AOPEP: variants seen among roughly 807,000 people sequenced by gnomAD.
AOPEP encodes the protein aminopeptidase O.
In AOPEP, 77 loss-of-function variants were observed where a neutral mutation model predicts 98.1. The observed-to-expected ratio is 0.78, with a 90% CI of 0.65 to 0.95. The LOEUF (loss-of-function observed/expected upper bound fraction) is 0.95. Among genes scored for constraint, AOPEP ranks in the 40% least tolerant of loss-of-function variants. The pLI is 0.00. For missense variants in AOPEP, 1,024 were observed against 1,024.7 expected (o/e 1.00, Z 0.01); for synonymous variants, 346 against 365.3 (o/e 0.95, Z 0.60).
At chr9:94,936,647 C>T (rs1341602172) in intron 7 of AOPEP, among the ~76,000 whole-genome samples, 1 of 152,134 alleles carries the variant, frequency 6.6e-6, no homozygotes, top group Non-Finnish European at 1.5e-5. Flanking sequence ...GCTGGGTGTC[C>T]TCTAATTCAG....
intron 11 of AOPEP, among the ~76,000 whole-genome samples, chr9:94,993,335 G>T (rs1295621012): frequency 1.3e-5 from 2 of 152,184 alleles, no homozygotes; most frequent in Admixed American, 6.5e-5. Context: ...TTGCCTTTTG[G>T]AGGAGGGGAA....
intron 5 of AOPEP, among the ~76,000 whole-genome samples, chr9:94,905,030 AG>A (rs2050926407): frequency 1.3e-5 from 2 of 152,312 alleles, no homozygotes; most frequent in South Asian, 2.1e-4. Flanking sequence ...AAAGGGTTTT[AG>A]GGGGTTTGAC....
At chr9:95,107,048 G>T in the AOPEP span, 2 of 1,613,572 alleles carry the variant, frequency 1.2e-6, no homozygotes, top group South Asian at 2.2e-5. Flanking sequence ...TAGGATGCTG[G>T]ACCACAGGGA....
At chr9:94,991,075 A>T (rs1400659811) in intron 11 of AOPEP, among the ~76,000 whole-genome samples, 1 of 152,190 alleles carries the variant, frequency 6.6e-6, no homozygotes, top group Non-Finnish European at 1.5e-5. Context: ...ATCATGGCAC[A>T]TGCTGATAGA....
intron 9 of AOPEP, 60 bp downstream of exon 9, chr9:94,956,075 G>T: frequency 3.1e-6 from 3 of 972,872 alleles, no homozygotes; most frequent in Non-Finnish European, 3.2e-6. Flanking sequence ...GGCACATGAA[G>T]ATTAGATTAT....
At chr9:95,145,968 A>AT in the AOPEP span, among the ~76,000 whole-genome samples, 20 of 95,468 alleles carry the variant, frequency 2.1e-4, no homozygotes, top group Admixed American at 9.7e-4. Context: ...CTGATTCTTT[A>AT]TTTTTTTTTA....
At chr9:94,924,278 G>C (rs1052316765) in intron 6 of AOPEP, 103 bp downstream of exon 6, 2 of 970,090 alleles carry the variant, frequency 2.1e-6, no homozygotes, top group Middle Eastern at 3.0e-4. Context: ...CTATGCACTA[G>C]GCACAAATTT....
At chr9:94,761,426 A>C (rs1404456045) in intron 2 of AOPEP, among the ~76,000 whole-genome samples, 1 of 152,194 alleles carries the variant, frequency 6.6e-6, no homozygotes, top group Non-Finnish European at 1.5e-5. Flanking sequence ...TATTTGTGCT[A>C]AAGTACTGCA....
chr9:95,066,413 GT>G (rs2067896644), intron 14 of AOPEP, among the ~76,000 whole-genome samples: 1 of 152,090 alleles, frequency 6.6e-6, no homozygotes, highest in Non-Finnish European at 1.5e-5. Flanking sequence ...ATTGTGTTTT[GT>G]TTACTGTGAA....
chr9:94,847,489 A>T (rs1250278745), intron 5 of AOPEP, among the ~76,000 whole-genome samples: 2 of 152,156 alleles, frequency 1.3e-5, no homozygotes, highest in East Asian at 1.9e-4. Flanking sequence ...GGTGAACTCT[A>T]CTTCTTTATT....
intron 7 of AOPEP, among the ~76,000 whole-genome samples, chr9:94,937,119 G>T (rs1289429334): frequency 1.3e-5 from 2 of 152,178 alleles, no homozygotes; most frequent in Admixed American, 1.3e-4. Context: ...GAGATTGGGG[G>T]GCGGGGCTGA....
intron 5 of AOPEP, among the ~76,000 whole-genome samples, chr9:94,823,637 G>A (rs570278827): frequency 8.5e-5 from 13 of 152,240 alleles, no homozygotes; most frequent in South Asian, 8.3e-4. Context: ...GCTCTTCCCC[G>A]GGTTCCCACA....
the AOPEP span, among the ~76,000 whole-genome samples, chr9:95,120,736 A>G: frequency 6.6e-6 from 1 of 151,846 alleles, no homozygotes; most frequent in African/African-American, 2.4e-5. Flanking sequence ...CCAGGTCTTC[A>G]TTTTTTTTGT....
intron 2 of AOPEP, among the ~76,000 whole-genome samples, chr9:94,762,844 A>T (rs957559386): frequency 3.3e-5 from 5 of 152,194 alleles, no homozygotes; most frequent in Non-Finnish European, 7.3e-5. Flanking sequence ...TGAGTAAAGA[A>T]TGCCAGTTGC....
intron 16 of AOPEP, chr9:95,086,113 C>T (rs373672835): frequency 4.0e-5 from 55 of 1,366,084 alleles, no homozygotes; most frequent in South Asian, 1.8e-4. Context: ...AAAAAGCCTT[C>T]GTGTCTGTAA....
At chr9:94,925,316 T>C (rs2054157530) in intron 6 of AOPEP, among the ~76,000 whole-genome samples, 1 of 152,230 alleles carries the variant, frequency 6.6e-6, no homozygotes, top group South Asian at 2.1e-4. Flanking sequence ...AGGTCACTTT[T>C]TTCCCCCTGT....
Position 94,838,094 on chromosome 9 carries a change from C to T in AOPEP, c.1364+37092C>T, listed in dbSNP as rs201893472. ...TGCAGTCTCGGCTCACTGCAAGCCC[C>T]GCCTCCTGGGTTCACGCCATTCTCC... On this transcript the variant is annotated intron_variant, in intron 5 of 16. Transcript: ENST00000375315. 1.3e-4 allele frequency among the ~76,000 whole-genome samples: 20 copies of T among 152,104 alleles called. 1 individual carries two copies. In the East Asian group the frequency reaches 2.1e-3, roughly 16 times the overall value.
intron 5 of AOPEP, among the ~76,000 whole-genome samples, chr9:94,899,235 A>C (rs1260077052): frequency 2.9e-5 from 3 of 105,184 alleles, no homozygotes; most frequent in Non-Finnish European, 5.1e-5. Flanking sequence ...CCCAGGCTGG[A>C]GTGCAGTGGC....
chr9:95,043,401 CAT>C (rs1209284654), intron 13 of AOPEP, among the ~76,000 whole-genome samples: 1 of 151,960 alleles, frequency 6.6e-6, no homozygotes, highest in Admixed American at 6.6e-5. Context: ...CAACTGCTGA[CAT>C]AAAGAGAAAT....
Sources: gnomAD v4.1 joint callset for allele counts (sites outside exome capture counted in the v4.1 genomes callset) on GRCh38, gnomAD v4.1.1 for gene constraint, MANE v1.5 for transcripts, NCBI Gene and HGNC (gene_info 2026-07-23, HGNC 2026-07-21) for gene names.